The following TRAM1 variants were observed in gnomAD, a reference collection of about 807,000 sequenced individuals.
TRAM1 encodes the protein translocation associated membrane protein 1, also known as translocating chain-associated membrane protein 1.
TRAM1 carries 17 observed loss-of-function variants against 48.7 expected under a neutral mutation model. That is an observed-to-expected ratio of 0.35 (90% confidence interval 0.24 to 0.52). TRAM1 has a LOEUF of 0.52. Among genes scored for constraint, TRAM1 ranks in the 20% least tolerant of loss-of-function variants. The pLI, the probability that TRAM1 is intolerant of heterozygous loss-of-function variation, is 0.94. For missense variants in TRAM1, 351 were observed against 441.5 expected (o/e 0.79, Z 1.84); for synonymous variants, 182 against 154.0 (o/e 1.18, Z -1.34).
rs1336562769 is a variant in TRAM1 at position 70,574,443 on chromosome 8, A to G, written c.*489T>C. On this transcript the variant is annotated 3_prime_UTR_variant, in exon 11 of 11. Coordinates refer to ENST00000262213, the MANE Select transcript of TRAM1 (RefSeq NM_014294.6). ...TTTACAAATCTTTTTTTCCAGGTGT[A>G]AAGTCTACAAAAATTCCAAAAAATT... 1 of 217,172 alleles carries G rather than the reference A, an allele frequency of 4.6e-6. No homozygotes were observed. Among genetic ancestry groups the G allele is most frequent in the East Asian group, 1.7e-4 (1 of 5,982 alleles). 13.5% of individuals were successfully genotyped at this position (217,172 alleles called of 1,614,324 possible). A position where few individuals can be genotyped will look rare whatever the true frequency, so the allele number is the denominator to read the frequency against.
In TRAM1 at chr8:70,608,320, G is replaced by A. The variant is rs1817800678; in HGVS notation, c.-121C>T. 2 of 1,346,748 alleles carry A rather than the reference G, an allele frequency of 1.5e-6. No individual in the cohort carries two copies. Among genetic ancestry groups the A allele is most frequent in the Non-Finnish European group, 9.8e-7 (1 of 1,023,958 alleles). 83.4% of individuals were successfully genotyped at this position (1,346,748 alleles called of 1,614,324 possible). ...CACGGCCCCGCTGCAGCCGCTCGCT[G>A]GGGCTTCACTTCCCATCCCACAGCC... On this transcript the variant is annotated 5_prime_UTR_variant, in exon 1 of 11. Transcript: ENST00000262213.
intron 1 of TRAM1, among the ~76,000 whole-genome samples, chr8:70,604,587 G>T (rs1235935318): frequency 1.3e-5 from 2 of 151,820 alleles, no homozygotes; most frequent in Non-Finnish European, 2.9e-5. Flanking sequence ...TATGTGAGAT[G>T]TGTCTCTCCC....
Position 70,586,086 on chromosome 8 carries a change from T to C in TRAM1, c.746+809A>G, listed in dbSNP as rs1182407948. On this transcript the variant is annotated intron_variant, in intron 8 of 10. Coordinates refer to ENST00000262213, the MANE Select transcript of TRAM1 (RefSeq NM_014294.6). ...GGCACATATACACCATGGAATACTA[T>C]GCAGCCATAAAAAATGAAGAGTTCA... Among the ~76,000 whole-genome samples the C allele has an allele frequency of 3.3e-5, 5 of 151,732 alleles. No homozygotes were observed. The East Asian group carries it at 7.8e-4, about 24-fold the overall frequency.
At chr8:70,607,975 G>C (rs1817787735) in intron 1 of TRAM1, 102 bp downstream of exon 1, 1 of 1,394,376 alleles carries the variant, frequency 7.2e-7, no homozygotes. Flanking sequence ...CCCCGGGCCC[G>C]AGCCCCCCGC....
At chr8:70,576,613 C>T (rs1346902625) in intron 10 of TRAM1, among the ~76,000 whole-genome samples, 1 of 152,262 alleles carries the variant, frequency 6.6e-6, no homozygotes. Context: ...TCTGTTATCC[C>T]GGCTGGAGTC....
chr8:70,580,438 A>C (rs1052102022), intron 10 of TRAM1, among the ~76,000 whole-genome samples: 6 of 152,198 alleles, frequency 3.9e-5, no homozygotes, highest in African/African-American at 1.4e-4. Context: ...AACAGAAAAA[A>C]ATGACAAAAC....
intron 6 of TRAM1, among the ~76,000 whole-genome samples, chr8:70,589,800 T>G (rs113388603): frequency 2.0e-4 from 31 of 152,278 alleles, no homozygotes; most frequent in African/African-American, 7.5e-4. Context: ...GCCGTGATTG[T>G]GGCCACTGCA....
At position 70,589,259 on chromosome 8, in the gene TRAM1, G is replaced by A. The variant is rs560156851; in HGVS notation, c.571-2083C>T. On this transcript the variant is annotated intron_variant, in intron 6 of 10. Coordinates refer to ENST00000262213, the MANE Select transcript of TRAM1 (RefSeq NM_014294.6). ...GAGAGAAGTATCTCTGAAAATAGACGGTCTTAAGATCCTCTCTACATAATT... is the reference window on the plus strand; with the variant it reads ...GAGAGAAGTATCTCTGAAAATAGACAGTCTTAAGATCCTCTCTACATAATT... Among the ~76,000 whole-genome samples the A allele has an allele frequency of 7.2e-5, 11 of 152,150 alleles. No homozygotes were observed. In the South Asian group the frequency reaches 2.1e-3, roughly 29 times the overall value.
chr8:70,608,128 C>T lies in TRAM1; in HGVS notation c.72G>A (p.Ala24=). 1 of 1,599,926 alleles carries T rather than the reference C, an allele frequency of 6.3e-7. No individual in the cohort carries two copies. The highest frequency in any genetic ancestry group is 8.5e-7 in the Non-Finnish European group (1 of 1,174,050). ...CCATCGCCACACAGGAGACGATGTC[C>T]GCGTGATTCTGCAGGACGAATTCGT... ...LSHEFVLQNH[A]DIVSCVAMVF... is the part of the protein sequence containing the mutation. Residue 24 remains alanine, a synonymous_variant, in exon 1 of 11, where the codon GCG becomes GCA. Transcript: ENST00000262213.
intron 5 of TRAM1, among the ~76,000 whole-genome samples, chr8:70,595,038 G>GTTTTTTTTTTTTT (rs11464494): frequency 6.8e-6 from 1 of 146,028 alleles, no homozygotes. Flanking sequence ...AATATCCTCT[G>GTTTTTTTTTTTTT]TTTTTTTTTT....
chr8:70,607,562 C>T (rs1242060123), intron 1 of TRAM1: 12 of 902,360 alleles, frequency 1.3e-5, no homozygotes, highest in Non-Finnish European at 1.6e-5. Context: ...CCCTGTCACT[C>T]GGGGCCTGTG....
chr8:70,604,585 A>G (rs1012948231), intron 1 of TRAM1, among the ~76,000 whole-genome samples: 3 of 152,146 alleles, frequency 2.0e-5, no homozygotes, highest in African/African-American at 7.2e-5. Flanking sequence ...TATATGTGAG[A>G]TGTGTCTCTC....
chr8:70,601,020 A>G lies in TRAM1; in HGVS notation c.124-938T>C, dbSNP rs140840417. Among the ~76,000 whole-genome samples the G allele has an allele frequency of 2.6e-5, 4 of 152,262 alleles. No individual in the cohort carries two copies. In the East Asian group the frequency reaches 7.7e-4, roughly 29 times the overall value. ...GTGCTAGAAAGGACTCTGTTTTTTGAGCTAAGTAGTTTAGATTTCACTTTC... is the reference window on the plus strand; with the variant it reads ...GTGCTAGAAAGGACTCTGTTTTTTGGGCTAAGTAGTTTAGATTTCACTTTC... On this transcript the variant is annotated intron_variant, in intron 1 of 10. Transcript: ENST00000262213.
At chr8:70,576,087 A>C (rs952102792) in intron 10 of TRAM1, among the ~76,000 whole-genome samples, 4 of 140,374 alleles carry the variant, frequency 2.8e-5, no homozygotes, top group African/African-American at 1.0e-4. Flanking sequence ...AAAGAAAAAA[A>C]AAAAAAAACC....
intron 1 of TRAM1, among the ~76,000 whole-genome samples, chr8:70,606,424 G>C (rs753873102): frequency 2.6e-5 from 4 of 152,164 alleles, no homozygotes; most frequent in African/African-American, 4.8e-5. Context: ...TCGAACTCCT[G>C]GGCTCCAGTG....
At chr8:70,578,487 T>C (rs1020906409) in intron 10 of TRAM1, among the ~76,000 whole-genome samples, 4 of 152,128 alleles carry the variant, frequency 2.6e-5, no homozygotes, top group Non-Finnish European at 5.9e-5. Context: ...ACACAAAAAG[T>C]AGTGGCATGG....
At chr8:70,583,587 G>A in intron 9 of TRAM1, 63 bp downstream of exon 9, 1 of 1,555,986 alleles carries the variant, frequency 6.4e-7, no homozygotes, top group South Asian at 1.2e-5. Flanking sequence ...ATTCAATGTA[G>A]AGAAACTGAT....
chr8:70,607,271 A>G, intron 1 of TRAM1: 1 of 985,182 alleles, frequency 1.0e-6, no homozygotes, highest in Admixed American at 6.2e-5. Context: ...GAATTTACAC[A>G]CTCCTGACAT....
rs769026802 is a variant in TRAM1 at position 70,583,781 on chromosome 8, C to T, written c.759G>A (p.Trp253Ter). The change falls in exon 9 of 11, where the codon TGG becomes TGA. Residue 253 changes from tryptophan (W) to a stop codon, truncating the protein, a stop_gained. Coordinates refer to ENST00000262213, the MANE Select transcript of TRAM1 (RefSeq NM_014294.6). LOFTEE classifies it high-confidence loss of function. ...NEKYQKGFSLWAVLFVLGRLL... is the reference protein window; with the variant it reads ...NEKYQKGFSL ...GTCTTCCCAAAACAAAAAGAACTGC[C>T]CACAGAGAAAATCTGCAAGAAAAAG... 1.3e-6 allele frequency: 2 copies of T among 1,544,932 alleles called. No homozygotes were observed. Among genetic ancestry groups the T allele is most frequent in the Non-Finnish European group, 1.7e-6 (2 of 1,153,042 alleles).
Sources: allele counts gnomAD v4.1 joint callset (sites outside exome capture counted in the v4.1 genomes callset), GRCh38; gene constraint gnomAD v4.1.1; transcripts MANE v1.5; gene names NCBI Gene and HGNC (gene_info 2026-07-23, HGNC 2026-07-21).